Variants in NHSL1 observed in about 807,000 individuals in gnomAD.
NHSL1 encodes the protein NHS-like protein 1.
A neutral mutation model predicts 95.0 loss-of-function variants in NHSL1; 48 were observed. That is an observed-to-expected ratio of 0.51 (90% CI 0.40 to 0.64). The LOEUF (loss-of-function observed/expected upper bound fraction) is 0.64. NHSL1 is among the 30% of genes least tolerant of loss of function. The pLI is 0.00. For missense variants in NHSL1, 1,971 were observed against 2,077.7 expected, an observed-to-expected ratio of 0.95 and a Z score of 1.00; for synonymous variants, 783 against 833.9, an observed-to-expected ratio of 0.94 and a Z score of 1.05.
At chr6:138,628,295 G>C (rs1386551698) in intron 1 of NHSL1, among the ~76,000 whole-genome samples, 3 of 149,124 alleles carry the variant, frequency 2.0e-5, no homozygotes, top group Admixed American at 2.0e-4. Context: ...TGGGCAACAA[G>C]AGTGAAACTC....
At chr6:138,481,623 T>C (rs944176817) in intron 2 of NHSL1, among the ~76,000 whole-genome samples, 6 of 152,246 alleles carry the variant, frequency 3.9e-5, no homozygotes, top group African/African-American at 1.2e-4. Context: ...TTTCAATGAA[T>C]ATTTTCCTTT....
At position 138,432,413 on chromosome 6, in the gene NHSL1, A is replaced by G. The variant is rs372897206; in HGVS notation, c.1932T>C (p.Ala644=). 3.7e-4 allele frequency: 575 copies of G among 1,552,056 alleles called. 3 individuals are homozygous for G. The African/African-American group carries it at 6.0e-3, about 16-fold the overall frequency. The change falls in exon 6 of 8, where the codon GCT becomes GCC. Residue 644 remains alanine, a synonymous_variant. Coordinates refer to ENST00000343505, the MANE Select transcript of NHSL1 (RefSeq NM_001144060.2). The surrounding 1 kb of genome is among the most constrained non-coding windows in gnomAD (Gnocchi z 4.4). Reference sequence around the variant, plus strand: ...TGGACCGGTCCCCTTGGTTTTTCTGAGCTCTTCCAACAAAAACATTGATCA... The same window carrying G: ...TGGACCGGTCCCCTTGGTTTTTCTGGGCTCTTCCAACAAAAACATTGATCA... ...HSVINVFVGR[A]QKNQGDRSNY...
chr6:138,588,423 T>C (rs1417391789), intron 1 of NHSL1, among the ~76,000 whole-genome samples: 2 of 152,200 alleles, frequency 1.3e-5, no homozygotes, highest in African/African-American at 4.8e-5. Flanking sequence ...GATCACGCTA[T>C]TGCTCTCCAG....
rs144143973 is a variant in NHSL1 at position 138,437,296 on chromosome 6, G to GTA, written c.665-3618_665-3617dup. 7.7e-3 allele frequency among the ~76,000 whole-genome samples: 743 copies of GTA among 96,094 alleles called. 43 individuals are homozygous for GTA. Among genetic ancestry groups the GTA allele is most frequent in the Middle Eastern group, 0.01 (2 of 200 alleles). 63.0% of individuals were successfully genotyped at this position (96,094 alleles called of 152,430 possible). A position where few individuals can be genotyped will look rare whatever the true frequency, so the allele number is the denominator to read the frequency against. ...TCTCAAAAAAAAAAAATACACAAATGTATATATATATATATATATATATAC... is the reference window on the plus strand; with the variant it reads ...TCTCAAAAAAAAAAAATACACAAATGTATATATATATATATATATATATATAC... On this transcript the variant is annotated intron_variant, in intron 5 of 7. Transcript: ENST00000343505.
intron 7 of NHSL1, among the ~76,000 whole-genome samples, chr6:138,428,668 A>G (rs1388767113): frequency 6.6e-6 from 1 of 152,210 alleles, no homozygotes; most frequent in Non-Finnish European, 1.5e-5. Flanking sequence ...GTACAGCACT[A>G]TGTTTTTCAT....
chr6:138,491,841 C>A (rs1271000298), intron 2 of NHSL1, among the ~76,000 whole-genome samples: 1 of 152,074 alleles, frequency 6.6e-6, no homozygotes, highest in Admixed American at 6.5e-5. Flanking sequence ...GAGTGAGAAT[C>A]CCTAATCCCA....
At chr6:138,495,785 C>CA (rs1215094150) in intron 2 of NHSL1, among the ~76,000 whole-genome samples, 1 of 152,196 alleles carries the variant, frequency 6.6e-6, no homozygotes, top group Non-Finnish European at 1.5e-5. Context: ...TTAATGGACT[C>CA]ATAGTTCCAC....
At chr6:138,610,548 A>AAT (rs1181257596) in intron 1 of NHSL1, among the ~76,000 whole-genome samples, 1 of 113,368 alleles carries the variant, frequency 8.8e-6, no homozygotes, top group Non-Finnish European at 1.7e-5. Context: ...ATAATAAAAA[A>AAT]ATATATATAT....
At chr6:138,571,720 C>T (rs1181542463) in exon 1 of NHSL1, 3 of 1,552,018 alleles carry the variant, frequency 1.9e-6, no homozygotes, top group Non-Finnish European at 8.7e-7. Flanking sequence ...CTTTTCTGGG[C>T]TGGGCTCTGT....
intron 2 of NHSL1, among the ~76,000 whole-genome samples, chr6:138,493,995 A>C (rs1207137963): frequency 2.6e-5 from 4 of 152,254 alleles, no homozygotes; most frequent in African/African-American, 9.6e-5. Context: ...GGATAGTCCA[A>C]TAGCAAAGCT....
chr6:138,534,549 T>C (rs576472800), intron 1 of NHSL1, among the ~76,000 whole-genome samples: 1 of 152,328 alleles, frequency 6.6e-6, no homozygotes, highest in East Asian at 1.9e-4. Context: ...GATATATGCA[T>C]ACAAATAAAA....
chr6:138,648,615 G>A (rs557925727), intron 1 of NHSL1, among the ~76,000 whole-genome samples: 1 of 152,290 alleles, frequency 6.6e-6, no homozygotes, highest in South Asian at 2.1e-4. Flanking sequence ...GCTTAGGCCT[G>A]GAACTTGCAC....
intron 1 of NHSL1, among the ~76,000 whole-genome samples, chr6:138,517,846 C>T (rs1781518042): frequency 1.3e-5 from 2 of 152,200 alleles, no homozygotes; most frequent in African/African-American, 4.8e-5. Flanking sequence ...GCTGGGCTTG[C>T]CAGTAGATCC....
At position 138,433,409 on chromosome 6, in the gene NHSL1, G is replaced by C; in HGVS notation, c.936C>G (p.Phe312Leu). 1 of 1,552,326 alleles carries C rather than the reference G, an allele frequency of 6.4e-7. No individual in the cohort carries two copies. Residue 312 changes from phenylalanine to leucine, a missense_variant, in exon 6 of 8, where the codon TTC becomes TTG. Transcript: ENST00000343505. ...SVLSDSAGIVFPSRLDSDAGF... is the reference protein window; with the variant it reads ...SVLSDSAGIVLPSRLDSDAGF... ...CAGCATCACTGTCAAGGCGGGAAGGGAATACGATCCCTGCAGAATCGCTCA... is the reference window on the plus strand; with the variant it reads ...CAGCATCACTGTCAAGGCGGGAAGGCAATACGATCCCTGCAGAATCGCTCA...
chr6:138,655,219 T>A (rs778003488), intron 1 of NHSL1, among the ~76,000 whole-genome samples: 2 of 152,206 alleles, frequency 1.3e-5, no homozygotes, highest in Non-Finnish European at 2.9e-5. Flanking sequence ...TAATTGAGTT[T>A]CATAAAAATA....
At chr6:138,619,246 G>A (rs779944205) in intron 1 of NHSL1, among the ~76,000 whole-genome samples, 3 of 152,120 alleles carry the variant, frequency 2.0e-5, no homozygotes, top group Non-Finnish European at 2.9e-5. Context: ...GCTGAGGCAG[G>A]GGAATTGCTT....
At chr6:138,660,832 G>T (rs1308664090) in intron 1 of NHSL1, among the ~76,000 whole-genome samples, 1 of 151,612 alleles carries the variant, frequency 6.6e-6, no homozygotes, top group Non-Finnish European at 1.5e-5. Context: ...GATGGCTCAT[G>T]CCTGTAATCC....
At chr6:138,506,213 C>A (rs1562335617) in intron 1 of NHSL1, among the ~76,000 whole-genome samples, 1 of 152,228 alleles carries the variant, frequency 6.6e-6, no homozygotes, top group East Asian at 1.9e-4. Flanking sequence ...TTAGGCCTAT[C>A]CTGTTTATTA....
At position 138,565,175 on chromosome 6, in the gene NHSL1, C is replaced by T. The variant is rs562373334; in HGVS notation, c.202+6535G>A. Among the ~76,000 whole-genome samples, 4 of 150,518 alleles carry T rather than the reference C, an allele frequency of 2.7e-5. No individual in the cohort carries two copies. The East Asian group carries it at 5.9e-4, about 22-fold the overall frequency. On this transcript the variant is annotated intron_variant, in intron 1 of 6. Transcript: ENST00000427025. ...AGGCTGGAGTGAAGTGGTGAGATCTCGGCTCACTGCAACCTCCGCCTCCTG... is the reference window on the plus strand; with the variant it reads ...AGGCTGGAGTGAAGTGGTGAGATCTTGGCTCACTGCAACCTCCGCCTCCTG...
Sources: allele counts gnomAD v4.1 joint callset (sites outside exome capture counted in the v4.1 genomes callset), GRCh38; gene constraint gnomAD v4.1.1; non-coding constraint Gnocchi (gnomAD v3.1); transcripts MANE v1.5; gene names NCBI Gene and HGNC (gene_info 2026-07-23, HGNC 2026-07-21).